Variants in PRKCE observed in about 807,000 individuals in gnomAD.
PRKCE encodes protein kinase C epsilon.
Under a neutral mutation model 85.4 loss-of-function variants are expected in PRKCE, and 16 were observed. That is an observed-to-expected ratio of 0.19 (90% CI 0.13 to 0.28). PRKCE has a LOEUF of 0.28. Ranked by LOEUF, PRKCE falls within the 10% of genes least tolerant of loss-of-function variation. PRKCE has a pLI of 1.00. For synonymous variants in PRKCE, 388 were observed against 371.5 expected, an observed-to-expected ratio of 1.04 and a Z score of -0.51; for missense variants, 573 against 975.2, an observed-to-expected ratio of 0.59 and a Z score of 5.49.
At chr2:45,986,327 A>G (rs1703320639) in intron 6 of PRKCE, among the ~76,000 whole-genome samples, 1 of 152,184 alleles carries the variant, frequency 6.6e-6, no homozygotes, top group Admixed American at 6.5e-5. Flanking sequence ...ATGTTTTTTC[A>G]GAATGTTTTA....
intron 1 of PRKCE, among the ~76,000 whole-genome samples, chr2:45,673,381 C>T (rs1263888862): frequency 6.6e-6 from 1 of 152,112 alleles, no homozygotes; most frequent in Non-Finnish European, 1.5e-5. Context: ...TTTTTTACAG[C>T]CTTCGATAGG....
Position 45,661,631 on chromosome 2 carries a change from C to G in PRKCE, c.348+9183C>G, listed in dbSNP as rs1424432332. ...GCAAGCTCCGCCTCCCGGGTTCACACCATTCTTCTGCCTCAGCCTCCCGAG... is the reference window on the plus strand; with the variant it reads ...GCAAGCTCCGCCTCCCGGGTTCACAGCATTCTTCTGCCTCAGCCTCCCGAG... On this transcript the variant is annotated intron_variant, in intron 1 of 14. Transcript: ENST00000306156. Among the ~76,000 whole-genome samples, 5 of 147,454 alleles carry G rather than the reference C, an allele frequency of 3.4e-5. No homozygotes were observed. The East Asian group carries it at 8.4e-4, about 25-fold the overall frequency.
At chr2:45,674,505 T>G in intron 1 of PRKCE, among the ~76,000 whole-genome samples, 1 of 152,228 alleles carries the variant, frequency 6.6e-6, no homozygotes, top group East Asian at 1.9e-4. Context: ...GATCTTTACA[T>G]GAGCCTTCAA....
At chr2:46,075,779 A>C (rs915867980) in intron 10 of PRKCE, among the ~76,000 whole-genome samples, 1 of 152,218 alleles carries the variant, frequency 6.6e-6, no homozygotes, top group Non-Finnish European at 1.5e-5. Flanking sequence ...TGATAGAATC[A>C]AAAAGGGATT....
At chr2:46,180,688 A>G (rs1448220) in intron 14 of PRKCE, among the ~76,000 whole-genome samples, 1 of 152,230 alleles carries the variant, frequency 6.6e-6, no homozygotes, top group Admixed American at 6.5e-5. Context: ...TATTGAGTGC[A>G]CTCTGTATGC....
chr2:46,144,013 C>T (rs1675820432), intron 11 of PRKCE, among the ~76,000 whole-genome samples: 1 of 152,226 alleles, frequency 6.6e-6, no homozygotes, highest in Non-Finnish European at 1.5e-5. Flanking sequence ...CCCTGCATCC[C>T]AGCATGGCTG....
intron 11 of PRKCE, among the ~76,000 whole-genome samples, chr2:46,113,154 C>T (rs1672432898): frequency 6.6e-6 from 1 of 152,152 alleles, no homozygotes; most frequent in South Asian, 2.1e-4. Context: ...TTTAGACACC[C>T]CAATTCTATC....
intron 2 of PRKCE, among the ~76,000 whole-genome samples, chr2:45,887,168 T>C (rs1695363804): frequency 1.3e-5 from 2 of 152,192 alleles, no homozygotes; most frequent in Non-Finnish European, 1.5e-5. Context: ...GGGCCTCCCA[T>C]TGGGCCTGAC....
intron 2 of PRKCE, among the ~76,000 whole-genome samples, chr2:45,903,341 T>C (rs1455783671): frequency 6.6e-6 from 1 of 152,244 alleles, no homozygotes; most frequent in Non-Finnish European, 1.5e-5. Flanking sequence ...ATATTATGGC[T>C]ACTCCATAGA....
intron 10 of PRKCE, among the ~76,000 whole-genome samples, chr2:46,067,155 A>G (rs1432278062): frequency 6.6e-6 from 1 of 152,190 alleles, no homozygotes; most frequent in Non-Finnish European, 1.5e-5. Flanking sequence ...CTACCTTTGC[A>G]TTGGCTATTA....
At chr2:45,870,709 T>C (rs771084029) in intron 2 of PRKCE, among the ~76,000 whole-genome samples, 26 of 152,190 alleles carry the variant, frequency 1.7e-4, no homozygotes, top group Non-Finnish European at 7.3e-5. Flanking sequence ...TCAAATCCAG[T>C]TTCTATCGGT....
intron 2 of PRKCE, among the ~76,000 whole-genome samples, chr2:45,972,349 T>C (rs544403625): frequency 1.2e-4 from 19 of 152,372 alleles, no homozygotes; most frequent in Non-Finnish European, 2.1e-4. Context: ...GAGTTTCTTA[T>C]GTATTTTGGA....
intron 1 of PRKCE, among the ~76,000 whole-genome samples, chr2:45,780,682 T>A (rs1421971745): frequency 1.3e-5 from 2 of 152,152 alleles, no homozygotes; most frequent in Non-Finnish European, 2.9e-5. Flanking sequence ...GGGGGTCACA[T>A]CTCAGAGCCT....
chr2:45,733,605 A>T (rs1042028990), intron 1 of PRKCE, among the ~76,000 whole-genome samples: 2 of 152,016 alleles, frequency 1.3e-5, no homozygotes, highest in African/African-American at 4.8e-5. Flanking sequence ...CCTCGTTGAG[A>T]GGGTGAGGTT....
chr2:45,892,438 G>C (rs1695800116), intron 2 of PRKCE, among the ~76,000 whole-genome samples: 1 of 152,092 alleles, frequency 6.6e-6, no homozygotes, highest in Non-Finnish European at 1.5e-5. Context: ...AAATAACTAG[G>C]AACAGGAAAA....
Position 46,007,561 on chromosome 2 carries a change from G to C in PRKCE, c.1163G>C (p.Ser388Thr). 1 of 1,599,808 alleles carries C rather than the reference G, an allele frequency of 6.3e-7. No individual in the cohort carries two copies. ...TCGTCTCCTGATGGCCAGCTGATGA[G>C]CCCCGGTGAGAATGGCGAAGTCCGG... ...AASSPDGQLM[S>T]PGENGEVRQG... The change falls in exon 9 of 15, where the codon AGC becomes ACC. Residue 388 changes from serine (S) to threonine (T), a missense_variant. Physicochemically the swap from Ser to Thr is moderately conservative, Grantham distance 58 (BLOSUM62 1). Around this residue, in one of 11 missense-constraint regions of PRKCE, gnomAD observed 117 missense variants for 104.8 expected, o/e 1.12. Coordinates refer to ENST00000306156, the MANE Select transcript of PRKCE (RefSeq NM_005400.3).
chr2:45,905,647 G>A lies in PRKCE; in HGVS notation c.412+62584G>A, dbSNP rs1464962609. Among the ~76,000 whole-genome samples the A allele has an allele frequency of 1.3e-5, 2 of 152,208 alleles. No homozygotes were observed. Among genetic ancestry groups the A allele is most frequent in the Admixed American group, 6.5e-5 (1 of 15,272 alleles). ...TCTAAGGGGCTGAGGGCTGGCCGGG[G>A]CCCTAGCTGGGGAACCTCTGATGCT... is the stretch of plus-strand genomic sequence containing the variant. On this transcript the variant is annotated intron_variant, in intron 2 of 14. Coordinates refer to ENST00000306156, the MANE Select transcript of PRKCE (RefSeq NM_005400.3). This position sits in a 1 kb window ranked among gnomAD's most constrained non-coding sequence, Gnocchi z 4.4.
At chr2:46,111,234 A>G (rs896637195) in intron 11 of PRKCE, among the ~76,000 whole-genome samples, 7 of 152,142 alleles carry the variant, frequency 4.6e-5, no homozygotes, top group Admixed American at 1.3e-4. Flanking sequence ...CAGGTCAACT[A>G]TATCCTTATT....
chr2:45,895,887 C>A lies in PRKCE; in HGVS notation c.412+52824C>A, dbSNP rs183097684. Among the ~76,000 whole-genome samples the A allele has an allele frequency of 5.3e-5, 8 of 152,200 alleles. No individual in the cohort carries two copies. The East Asian group carries it at 1.5e-3, about 29-fold the overall frequency. ...GGTGGAGGATGCAGGCAAGGGGCTCCCAGAGGAGTTGGTGTCTGGGCTGTG... is the reference window on the plus strand; with the variant it reads ...GGTGGAGGATGCAGGCAAGGGGCTCACAGAGGAGTTGGTGTCTGGGCTGTG... On this transcript the variant is annotated intron_variant, in intron 2 of 14. Transcript: ENST00000306156. The surrounding 1 kb of genome is among the most constrained non-coding windows in gnomAD (Gnocchi z 4.8).
Sources: gnomAD v4.1 joint callset for allele counts (sites outside exome capture counted in the v4.1 genomes callset) on GRCh38, gnomAD v4.1.1 for gene constraint, gnomAD v4.1.1 regional missense constraint, Gnocchi (gnomAD v3.1) non-coding constraint, MANE v1.5 for transcripts, NCBI Gene and HGNC (gene_info 2026-07-23, HGNC 2026-07-21) for gene names.